CRYL1: variants seen among roughly 807,000 people sequenced by gnomAD.
CRYL1 encodes lambda-crystallin homolog.
A neutral mutation model predicts 36.6 loss-of-function variants in CRYL1; 29 were observed. The ratio of observed to expected loss-of-function variants is 0.79; its 90% confidence interval spans 0.59 to 1.08. The LOEUF is 1.08. CRYL1 is among the 50% of genes least tolerant of loss of function. The pLI is 0.00. For missense variants in CRYL1, 411 were observed against 407.9 expected, an observed-to-expected ratio of 1.01 and a Z score of -0.06; for synonymous variants, 152 against 151.5, an observed-to-expected ratio of 1.00 and a Z score of -0.02.
chr13:20,514,427 C>G (rs2033966794), intron 1 of CRYL1, among the ~76,000 whole-genome samples: 1 of 152,208 alleles, frequency 6.6e-6, no homozygotes, highest in South Asian at 2.1e-4. Context: ...GAGGGACATT[C>G]TACAAACTAC....
chr13:20,499,723 A>G (rs959618117), intron 2 of CRYL1, among the ~76,000 whole-genome samples: 4 of 152,302 alleles, frequency 2.6e-5, no homozygotes, highest in African/African-American at 9.6e-5. Context: ...TTATGTTTAT[A>G]TAGATGTGTT....
At chr13:20,480,329 C>T (rs368727743) in intron 3 of CRYL1, among the ~76,000 whole-genome samples, 2 of 150,924 alleles carry the variant, frequency 1.3e-5, no homozygotes, top group East Asian at 2.0e-4. Flanking sequence ...TGCAGTAAGC[C>T]AAGATCAGTG....
intron 5 of CRYL1, chr13:20,431,896 G>A: frequency 6.6e-7 from 1 of 1,511,556 alleles, no homozygotes; most frequent in South Asian, 1.2e-5. Flanking sequence ...AACCTCTCAG[G>A]CAGACAGTGA....
Position 20,525,819 on chromosome 13 carries a change from C to G in CRYL1, c.-25G>C. ...TGGTTGGGCCGGGGACGCGGCGCCG[C>G]GGGCGCTGGGACCAGGCGCCGGCGG... On this transcript the variant is annotated 5_prime_UTR_variant, in exon 1 of 8. Coordinates refer to ENST00000298248, the MANE Select transcript of CRYL1 (RefSeq NM_015974.3). This position sits in a 1 kb window ranked among gnomAD's most constrained non-coding sequence, Gnocchi z 4.3. 1.6e-6 allele frequency: 2 copies of G among 1,226,930 alleles called. No homozygotes were observed. The highest frequency in any genetic ancestry group is 2.0e-6 in the Non-Finnish European group (2 of 983,688). The allele number at this position is 1,226,930 out of a possible 1,614,324, so 76.0% of individuals were successfully genotyped here.
At chr13:20,453,223 A>AGTTT (rs1320408297) in intron 3 of CRYL1, among the ~76,000 whole-genome samples, 1 of 152,176 alleles carries the variant, frequency 6.6e-6, no homozygotes, top group East Asian at 1.9e-4. Context: ...ACAAAACTTA[A>AGTTT]AAGAATAGAA....
At chr13:20,439,162 C>G (rs752560808) in intron 4 of CRYL1, among the ~76,000 whole-genome samples, 1 of 152,124 alleles carries the variant, frequency 6.6e-6, no homozygotes, top group Non-Finnish European at 1.5e-5. Flanking sequence ...CTACACAGTG[C>G]AAGTGACGTA....
intron 6 of CRYL1, among the ~76,000 whole-genome samples, chr13:20,406,747 A>G (rs1046536479): frequency 1.3e-5 from 2 of 152,084 alleles, no homozygotes; most frequent in Non-Finnish European, 2.9e-5. Context: ...GGGCAGAGAC[A>G]CAAGAATCAA....
At chr13:20,496,277 G>C (rs995048281) in intron 2 of CRYL1, among the ~76,000 whole-genome samples, 1 of 152,080 alleles carries the variant, frequency 6.6e-6, no homozygotes, top group African/African-American at 2.4e-5. Context: ...TTGTTTAATG[G>C]GCACAGAGTT....
chr13:20,458,935 T>C (rs1229897980), intron 3 of CRYL1, among the ~76,000 whole-genome samples: 6 of 152,244 alleles, frequency 3.9e-5, no homozygotes, highest in Admixed American at 1.3e-4. Context: ...GGAATACTTA[T>C]ACACTGCTGG....
At chr13:20,427,171 T>A (rs1012491105) in intron 5 of CRYL1, 16 of 985,364 alleles carry the variant, frequency 1.6e-5, no homozygotes, top group Non-Finnish European at 1.9e-5. Context: ...TGAAATGACA[T>A]CCCAGCCAAT....
At chr13:20,504,382 C>T (rs1381679995) in intron 2 of CRYL1, among the ~76,000 whole-genome samples, 1 of 148,320 alleles carries the variant, frequency 6.7e-6, no homozygotes, top group Non-Finnish European at 1.5e-5. Context: ...TGGCTCACTG[C>T]AATCTCTGCC....
At chr13:20,498,265 C>T (rs1314020975) in intron 2 of CRYL1, among the ~76,000 whole-genome samples, 1 of 151,342 alleles carries the variant, frequency 6.6e-6, no homozygotes, top group Non-Finnish European at 1.5e-5. Context: ...ACACACACCC[C>T]ATATACACAC....
chr13:20,466,809 CATAA>C (rs2032945213), intron 3 of CRYL1, among the ~76,000 whole-genome samples: 1 of 151,976 alleles, frequency 6.6e-6, no homozygotes, highest in Admixed American at 6.5e-5. Flanking sequence ...CAGGAATATG[CATAA>C]CTGCACTCTT....
At chr13:20,454,191 G>C (rs1350976632) in intron 3 of CRYL1, among the ~76,000 whole-genome samples, 3 of 151,396 alleles carry the variant, frequency 2.0e-5, no homozygotes, top group Admixed American at 2.0e-4. Context: ...CATTACATGG[G>C]GAAAAAAAAT....
At chr13:20,424,870 T>C (rs892500584) in intron 5 of CRYL1, among the ~76,000 whole-genome samples, 2 of 152,080 alleles carry the variant, frequency 1.3e-5, no homozygotes, top group Non-Finnish European at 2.9e-5. Flanking sequence ...CTTCAAATGT[T>C]GTGTCTTAAA....
chr13:20,519,444 T>C (rs1369615354), intron 1 of CRYL1, among the ~76,000 whole-genome samples: 13 of 151,210 alleles, frequency 8.6e-5, no homozygotes, highest in Admixed American at 8.5e-4. Flanking sequence ...TTTCAGGAAA[T>C]GAAGGGATGG....
intron 6 of CRYL1, 124 bp from the exon 7 acceptor site, chr13:20,404,865 T>A: frequency 5.7e-6 from 4 of 695,852 alleles, no homozygotes; most frequent in Non-Finnish European, 1.0e-5. Context: ...CTTCCCTCCC[T>A]GTGAAGACAA....
At chr13:20,493,104 G>C (rs909352844) in intron 2 of CRYL1, among the ~76,000 whole-genome samples, 6 of 152,226 alleles carry the variant, frequency 3.9e-5, no homozygotes, top group Middle Eastern at 3.2e-3. Flanking sequence ...ACTCGGGTTG[G>C]CTGTTACAAT....
At chr13:20,469,231 G>A (rs1466677703) in intron 3 of CRYL1, among the ~76,000 whole-genome samples, 1 of 152,214 alleles carries the variant, frequency 6.6e-6, no homozygotes, top group African/African-American at 2.4e-5. Flanking sequence ...AGGAGAAAAA[G>A]CAAGTTCAAA....
Sources: allele counts gnomAD v4.1 joint callset (sites outside exome capture counted in the v4.1 genomes callset), GRCh38; gene constraint gnomAD v4.1.1; non-coding constraint Gnocchi (gnomAD v3.1); transcripts MANE v1.5; gene names NCBI Gene and HGNC (gene_info 2026-07-23, HGNC 2026-07-21).